The following POLN variants were observed in gnomAD, a reference collection of about 807,000 sequenced individuals.
POLN encodes the protein DNA polymerase N.
A neutral mutation model predicts 113.5 loss-of-function variants in POLN; 108 were observed. The observed-to-expected ratio is 0.95, with a 90% CI of 0.81 to 1.12. The LOEUF (loss-of-function observed/expected upper bound fraction) is 1.12. POLN is among the 50% of genes most tolerant of loss of function. The pLI is 0.00. For missense variants in POLN, 1,097 were observed against 1,077.1 expected, an observed-to-expected ratio of 1.02 and a Z score of -0.26; for synonymous variants, 386 against 391.5, an observed-to-expected ratio of 0.99 and a Z score of 0.17.
At chr4:2,112,117 C>G (rs1237168921) in intron 19 of POLN, among the ~76,000 whole-genome samples, 2 of 152,182 alleles carry the variant, frequency 1.3e-5, no homozygotes, top group East Asian at 1.9e-4. Context: ...ACAAACCTGA[C>G]AAAAACAAGC....
At chr4:2,201,301 A>AC (rs1192492631) in intron 5 of POLN, among the ~76,000 whole-genome samples, 1 of 149,218 alleles carries the variant, frequency 6.7e-6, no homozygotes, top group Non-Finnish European at 1.5e-5. Flanking sequence ...AAAAAAAAAA[A>AC]AACGAGGGGA....
intron 16 of POLN, among the ~76,000 whole-genome samples, chr4:2,148,671 C>A (rs502105): frequency 2.8e-5 from 4 of 141,848 alleles, no homozygotes; most frequent in East Asian, 2.0e-4. Context: ...TGTCCCCCCC[C>A]CAAAAAAAAA....
intron 9 of POLN, among the ~76,000 whole-genome samples, chr4:2,175,908 C>T (rs1732983015): frequency 6.6e-6 from 1 of 152,218 alleles, no homozygotes; most frequent in African/African-American, 2.4e-5. Context: ...TTCTTGGTGG[C>T]TCATTGCAGT....
At chr4:2,154,723 T>C (rs1487414393) in intron 16 of POLN, among the ~76,000 whole-genome samples, 2 of 152,248 alleles carry the variant, frequency 1.3e-5, no homozygotes, top group Non-Finnish European at 2.9e-5. Flanking sequence ...TTGAAGTTTG[T>C]ATGGTATTGC....
At position 2,072,950 on chromosome 4, in the gene POLN, G is replaced by A; in HGVS notation, c.2517+18C>T. On this transcript the variant is annotated intron_variant, in intron 25 of 25. Coordinates refer to ENST00000511885, the MANE Select transcript of POLN (RefSeq NM_181808.4). The stretch of plus-strand genomic sequence containing the variant: ...CCCTGGGCTCCGGAAGACCGGGCAG[G>A]CTTAAGTGTCCCCTCACCTGAAGCT... 6.2e-7 allele frequency: 1 copy of A among 1,612,200 alleles called. No homozygotes were observed. The highest frequency in any genetic ancestry group is 8.5e-7 in the Non-Finnish European group (1 of 1,179,658).
intron 2 of POLN, chr4:2,236,403 T>A: frequency 6.2e-7 from 1 of 1,613,780 alleles, no homozygotes; most frequent in Non-Finnish European, 8.5e-7. Context: ...AAGGTTTCCA[T>A]GAGTTAGAAA....
chr4:2,196,312 T>G (rs564818609), intron 6 of POLN, among the ~76,000 whole-genome samples: 1 of 152,228 alleles, frequency 6.6e-6, no homozygotes, highest in Admixed American at 6.5e-5. Context: ...ACCTAGGAAG[T>G]GCTGCGCAAA....
At chr4:2,099,519 G>C (rs886981294) in intron 19 of POLN, among the ~76,000 whole-genome samples, 1 of 152,184 alleles carries the variant, frequency 6.6e-6, no homozygotes, top group African/African-American at 2.4e-5. Flanking sequence ...CCTCAAAACT[G>C]TCAGGGTCAT....
intron 16 of POLN, among the ~76,000 whole-genome samples, chr4:2,138,500 T>G (rs926093599): frequency 3.0e-4 from 46 of 152,198 alleles, no homozygotes; most frequent in African/African-American, 1.1e-3. Context: ...CCCAAAGGCT[T>G]TGGTGCCCAG....
intron 4 of POLN, among the ~76,000 whole-genome samples, chr4:2,210,357 C>A (rs1733959003): frequency 6.6e-6 from 1 of 150,654 alleles, no homozygotes; most frequent in African/African-American, 2.4e-5. Context: ...GGCAGGAGGA[C>A]TGCTTGAGCC....
chr4:2,120,317 T>C (rs1356334121), intron 19 of POLN, among the ~76,000 whole-genome samples: 1 of 152,216 alleles, frequency 6.6e-6, no homozygotes, highest in Non-Finnish European at 1.5e-5. Context: ...AATTGCACTA[T>C]AAACCTATGG....
chr4:2,199,292 A>C (rs1419302303), intron 5 of POLN, among the ~76,000 whole-genome samples: 1 of 152,192 alleles, frequency 6.6e-6, no homozygotes, highest in Non-Finnish European at 1.5e-5. Context: ...GAAGACCTAA[A>C]TAACGAAGAC....
At chr4:2,226,896 G>A (rs1483809235) in intron 3 of POLN, among the ~76,000 whole-genome samples, 3 of 152,162 alleles carry the variant, frequency 2.0e-5, no homozygotes, top group Non-Finnish European at 4.4e-5. Flanking sequence ...AGAATCCAGA[G>A]TCAATTAAAA....
intron 19 of POLN, among the ~76,000 whole-genome samples, chr4:2,111,834 C>T (rs1425462157): frequency 6.6e-6 from 1 of 152,274 alleles, no homozygotes. Context: ...TTTATAGATT[C>T]AATGCCATCC....
intron 20 of POLN, among the ~76,000 whole-genome samples, chr4:2,088,097 C>T (rs559868136): frequency 8.0e-4 from 122 of 152,014 alleles, no homozygotes; most frequent in African/African-American, 2.9e-3. Flanking sequence ...ACATATAAAT[C>T]CAACTTCTAT....
rs932016039 is a variant in POLN, at chr4:2,093,858, A to C, written c.2065+1993T>G. On this transcript the variant is annotated intron_variant, in intron 20 of 25. Coordinates refer to ENST00000511885, the MANE Select transcript of POLN (RefSeq NM_181808.4). The surrounding 1 kb of genome is among the most constrained non-coding windows in gnomAD (Gnocchi z 4.1). The stretch of plus-strand genomic sequence containing the variant: ...ACAATCAAAATGTTTTCAAAAGTGG[A>C]GCTGAGACCACCAAGTCCACTAATT... Among the ~76,000 whole-genome samples, 4 of 152,214 alleles carry C rather than the reference A, an allele frequency of 2.6e-5. No homozygotes were observed. Among genetic ancestry groups the C allele is most frequent in the Non-Finnish European group, 4.4e-5 (3 of 68,042 alleles).
chr4:2,218,615 A>C (rs1577781343), intron 3 of POLN, among the ~76,000 whole-genome samples: 1 of 152,188 alleles, frequency 6.6e-6, no homozygotes, highest in African/African-American at 2.4e-5. Context: ...TTTCTTGCTT[A>C]TGCTGATTGG....
intron 7 of POLN, among the ~76,000 whole-genome samples, chr4:2,187,855 A>G (rs1733318210): frequency 1.3e-5 from 2 of 152,202 alleles, no homozygotes; most frequent in African/African-American, 4.8e-5. Context: ...TGACACCTGT[A>G]ATCCCAACAC....
chr4:2,161,406 C>T (rs991066343), intron 13 of POLN, among the ~76,000 whole-genome samples: 1 of 152,260 alleles, frequency 6.6e-6, no homozygotes, highest in Non-Finnish European at 1.5e-5. Context: ...AGGGGCTTAG[C>T]ACCCAGGCCA....
Sources: allele counts gnomAD v4.1 joint callset (sites outside exome capture counted in the v4.1 genomes callset), GRCh38; gene constraint gnomAD v4.1.1; non-coding constraint Gnocchi (gnomAD v3.1); transcripts MANE v1.5; gene names NCBI Gene and HGNC (gene_info 2026-07-23, HGNC 2026-07-21).